DPM1: variants seen among roughly 807,000 people sequenced by gnomAD.
DPM1 encodes the protein dolichol-phosphate mannosyltransferase subunit 1.
DPM1 carries 27 observed loss-of-function variants against 39.0 expected under a neutral mutation model. The ratio of observed to expected loss-of-function variants is 0.69; its 90% CI spans 0.51 to 0.95. The LOEUF (loss-of-function observed/expected upper bound fraction) is 0.95, where lower values mean the gene tolerates loss of function less well. Ranked by LOEUF, DPM1 falls within the 40% of genes least tolerant of loss-of-function variation. DPM1 has a pLI of 0.00. For synonymous variants in DPM1, 124 were observed against 109.0 expected (o/e 1.14, Z -0.86); for missense variants, 307 against 315.6 (o/e 0.97, Z 0.21).
At chr20:50,939,057 C>CAG (rs1457354559) in intron 7 of DPM1, among the ~76,000 whole-genome samples, 2 of 152,140 alleles carry the variant, frequency 1.3e-5, no homozygotes, top group Non-Finnish European at 2.9e-5. Context: ...TTATACAGAA[C>CAG]ACAGCTAATC....
chr20:50,950,747 G>A (rs1247381116), intron 2 of DPM1, among the ~76,000 whole-genome samples: 3 of 152,124 alleles, frequency 2.0e-5, no homozygotes, highest in African/African-American at 4.8e-5. Flanking sequence ...GCACGTGCCT[G>A]TAATCCCAGC....
intron 5 of DPM1, among the ~76,000 whole-genome samples, chr20:50,945,448 C>T (rs1986222646): frequency 6.6e-6 from 1 of 152,100 alleles, no homozygotes; most frequent in African/African-American, 2.4e-5. Context: ...TCATGTCATC[C>T]TCCCACCTGA....
At chr20:50,956,864 C>G (rs1986850166) in intron 1 of DPM1, among the ~76,000 whole-genome samples, 1 of 152,198 alleles carries the variant, frequency 6.6e-6, no homozygotes, top group African/African-American at 2.4e-5. Context: ...GAGGGTGAGG[C>G]AGCTCAAAGG....
intron 1 of DPM1, among the ~76,000 whole-genome samples, chr20:50,955,969 C>T (rs1277325664): frequency 1.3e-5 from 2 of 152,182 alleles, no homozygotes; most frequent in Non-Finnish European, 2.9e-5. Flanking sequence ...TCAAACCAAA[C>T]TGAGTAACTC....
Position 50,942,368 on chromosome 20 carries a change from C to T in DPM1, c.399-242G>A, listed in dbSNP as rs946146587. ...TAAAAATATAAAAATTAGCCTGGCG[C>T]GGTGGCGGGTGCCTGTAATCCCAGC... On this transcript the variant is annotated intron_variant, in intron 5 of 8. Transcript: ENST00000371588. Among the ~76,000 whole-genome samples the T allele has an allele frequency of 7.9e-5, 12 of 152,068 alleles. No individual in the cohort carries two copies. The South Asian group carries it at 8.3e-4, about 11-fold the overall frequency.
Position 50,955,292 on chromosome 20 carries a change from A to C in DPM1, c.162-7T>G, listed in dbSNP as rs200223569. 6.3e-7 allele frequency: 1 copy of C among 1,597,966 alleles called. No individual in the cohort carries two copies. Among genetic ancestry groups the C allele is most frequent in the Non-Finnish European group, 8.6e-7 (1 of 1,166,622 alleles). On this transcript the variant is annotated splice_polypyrimidine_tract_variant and splice_region_variant and intron_variant, in intron 1 of 8. Coordinates refer to ENST00000371588, the MANE Select transcript of DPM1 (RefSeq NM_003859.3). ...AATTTCATAGTTGATTCCACTAAAA[A>C]AATTAAATTTGTATTAATGACTGAT...
chr20:50,940,916 A>G lies in DPM1; in HGVS notation c.512T>C (p.Leu171Ser), dbSNP rs938258234. ...TCCTGGTCTCAGCAAGATCTGAGTT[A>G]AAAAATTGGCCCCACGGCTGCCAAA... ...RKIISRGANF[L>S]TQILLRPGAS... The change falls in exon 7 of 9, where the codon TTA becomes TCA. Residue 171 changes from leucine (L) to serine (S), a missense_variant. Leu to Ser is a moderately radical substitution (Grantham distance 145). Around this residue, in one of 3 missense-constraint regions of DPM1, gnomAD observed 31 missense variants for 58.0 expected, o/e 0.53. Transcript: ENST00000371588. 6.2e-7 allele frequency: 1 copy of G among 1,613,974 alleles called. No homozygotes were observed. The highest frequency in any genetic ancestry group is 8.5e-7 in the Non-Finnish European group (1 of 1,179,926).
intron 2 of DPM1, among the ~76,000 whole-genome samples, chr20:50,953,387 T>C (rs1986677748): frequency 6.6e-6 from 1 of 152,254 alleles, no homozygotes; most frequent in Non-Finnish European, 1.5e-5. Context: ...TGACAAAGCA[T>C]CTGTGGTGAA....
intron 2 of DPM1, among the ~76,000 whole-genome samples, chr20:50,953,211 CTG>C (rs1484953372): frequency 6.6e-6 from 1 of 152,236 alleles, no homozygotes; most frequent in Non-Finnish European, 1.5e-5. Flanking sequence ...CTTGTAAGCA[CTG>C]TGAATAGTTC....
intron 3 of DPM1, among the ~76,000 whole-genome samples, chr20:50,946,746 C>G (rs1352877811): frequency 6.6e-6 from 1 of 152,194 alleles, no homozygotes; most frequent in Non-Finnish European, 1.5e-5. Context: ...GTCTTATGAG[C>G]AAGGCTGAAC....
rs16995639 is a variant in DPM1 at position 50,958,440 on chromosome 20, C to G, written c.84G>C (p.Ser28=). The change falls in exon 1 of 9, where the codon TCG becomes TCC. Residue 28 remains serine (S), a synonymous_variant. Coordinates refer to ENST00000371588, the MANE Select transcript of DPM1 (RefSeq NM_003859.3). ...GCTCGTTGTAGGTAGGTAAAAGCAC[C>G]GAATATTTGTTCTGTCGTGGACTGC... The part of the protein sequence containing the change: ...EVRSPRQNKY[S]VLLPTYNERE... The G allele has an allele frequency of 1.3e-3, 2,020 of 1,614,074 alleles. 29 individuals carry two copies. In the African/African-American group the frequency reaches 0.024, roughly 19 times the overall value.
intron 8 of DPM1, among the ~76,000 whole-genome samples, 182 bp from the exon 9 acceptor site, chr20:50,935,418 A>G (rs1985065757): frequency 2.0e-5 from 3 of 152,210 alleles, no homozygotes; most frequent in Admixed American, 2.0e-4. Context: ...AAAATTAAAC[A>G]TGCATTATCT....
chr20:50,936,001 T>G, intron 8 of DPM1, 147 bp downstream of exon 8: 2 of 657,552 alleles, frequency 3.0e-6, no homozygotes, highest in Middle Eastern at 2.5e-4. Context: ...AATATGAATT[T>G]TTACCCTTTG....
rs1373785839 is a variant in DPM1 at position 50,958,399 on chromosome 20, A to C, written c.125T>G (p.Leu42Arg). 3 of 1,613,850 alleles carry C rather than the reference A, an allele frequency of 1.9e-6. No individual in the cohort carries two copies. In the African/African-American group the frequency reaches 4.0e-5, roughly 22 times the overall value. ...PTYNERENLP[L>R]IVWLLVKSFS... ...GCTTTTCACCAGCAGCCACACGATG[A>C]GCGGCAGGTTCTCGCGCTCGTTGTA... The change falls in exon 1 of 9, where the codon CTC (leucine) becomes CGC (arginine). Residue 42 changes from leucine (L) to arginine (R), a missense_variant. By Grantham distance (102) the Leu-to-Arg change is moderately radical. This residue lies in a region of DPM1 where 206 missense variants were observed against 188.2 expected (regional missense o/e 1.09). Coordinates refer to ENST00000371588, the MANE Select transcript of DPM1 (RefSeq NM_003859.3).
intron 1 of DPM1, among the ~76,000 whole-genome samples, chr20:50,955,587 T>C (rs752705796): frequency 3.3e-5 from 5 of 152,230 alleles, no homozygotes; most frequent in Non-Finnish European, 4.4e-5. Context: ...TTTTTTTGTT[T>C]TGAGATGGAG....
chr20:50,951,230 A>G (rs999271366), intron 2 of DPM1, among the ~76,000 whole-genome samples: 1 of 152,238 alleles, frequency 6.6e-6, no homozygotes, highest in Non-Finnish European at 1.5e-5. Flanking sequence ...TATGATACTT[A>G]TAATTTTCAG....
intron 7 of DPM1, among the ~76,000 whole-genome samples, chr20:50,939,814 G>A (rs1033735190): frequency 4.7e-5 from 7 of 150,486 alleles, no homozygotes; most frequent in East Asian, 2.0e-4. Flanking sequence ...ATTTCGCCAC[G>A]TTGCCCAGGC....
In DPM1 at chr20:50,953,647, T is replaced by C. The variant is rs148688696; in HGVS notation, c.261+1539A>G. ...CTCATTTTGAATTTTATTGGGTTGA[T>C]AGAAAAAATGTCTTTGAAGACAATG... On this transcript the variant is annotated intron_variant, in intron 2 of 8. Coordinates refer to ENST00000371588, the MANE Select transcript of DPM1 (RefSeq NM_003859.3). 6.5e-4 allele frequency among the ~76,000 whole-genome samples: 99 copies of C among 152,350 alleles called. 1 individual carries two copies. The East Asian group carries it at 0.013, about 20-fold the overall frequency.
chr20:50,936,013 G>T (rs1393699756), intron 8 of DPM1, 135 bp downstream of exon 8: 1 of 680,232 alleles, frequency 1.5e-6, no homozygotes, highest in African/African-American at 1.8e-5. Context: ...TACCCTTTGT[G>T]CATGAATATT....
Sources: gnomAD v4.1 joint callset for allele counts (sites outside exome capture counted in the v4.1 genomes callset) on GRCh38, gnomAD v4.1.1 for gene constraint, gnomAD v4.1.1 regional missense constraint, MANE v1.5 for transcripts, NCBI Gene and HGNC (gene_info 2026-07-23, HGNC 2026-07-21) for gene names.